SLC30A7: variants seen among roughly 807,000 people sequenced by gnomAD.
SLC30A7 encodes the protein solute carrier family 30 member 7.
In SLC30A7, 35 loss-of-function variants were observed where a neutral mutation model predicts 46.0. The observed-to-expected ratio is 0.76, with a 90% CI of 0.58 to 1.01. The LOEUF is 1.01. SLC30A7 is among the 50% of genes least tolerant of loss of function. The pLI, the probability that SLC30A7 is intolerant of heterozygous loss-of-function variation, is 0.00. For synonymous variants in SLC30A7, 147 were observed against 157.8 expected (o/e 0.93, Z 0.51); for missense variants, 464 against 451.1 (o/e 1.03, Z -0.26).
At position 100,965,932 on chromosome 1, in the gene SLC30A7, A is replaced by G. The variant is rs771193089; in HGVS notation, c.1083+14A>G. The stretch of plus-strand genomic sequence containing the variant: ...ATTTTTACTCAGGTATGTCTTTTTT[A>G]CTAACTTCTTTTAAGGGCCTTAACA... On this transcript the variant is annotated intron_variant, in intron 10 of 10. Transcript: ENST00000357650. 6.3e-7 allele frequency: 1 copy of G among 1,595,412 alleles called. No individual in the cohort carries two copies. The highest frequency in any genetic ancestry group is 8.5e-7 in the Non-Finnish European group (1 of 1,173,746).
chr1:100,930,406 G>GT (rs137883441), intron 8 of SLC30A7, among the ~76,000 whole-genome samples: 18,351 of 151,862 alleles, frequency 0.12, 1,347 homozygotes, highest in Non-Finnish European at 0.17. Flanking sequence ...AAAATAGAAT[G>GT]TATACTAATG....
intron 2 of SLC30A7, among the ~76,000 whole-genome samples, chr1:100,903,215 A>G (rs1651418507): frequency 6.6e-6 from 1 of 152,128 alleles, no homozygotes; most frequent in Admixed American, 6.5e-5. Flanking sequence ...TCATTTTATC[A>G]GAGTAGAAAG....
At chr1:100,905,648 A>G (rs1053908729) in intron 2 of SLC30A7, among the ~76,000 whole-genome samples, 5 of 151,084 alleles carry the variant, frequency 3.3e-5, no homozygotes, top group African/African-American at 1.2e-4. Flanking sequence ...ACTTCTTTTG[A>G]CCTAACTGAT....
intron 7 of SLC30A7, among the ~76,000 whole-genome samples, chr1:100,918,358 C>T (rs942039668): frequency 5.3e-5 from 8 of 152,162 alleles, no homozygotes; most frequent in Admixed American, 3.9e-4. Flanking sequence ...AAATATAGAG[C>T]TGGGTGCACT....
At chr1:100,984,652 G>A (rs781353808), downstream of SLC30A7, among the ~76,000 whole-genome samples, 1 of 152,180 alleles carries the variant, frequency 6.6e-6, no homozygotes, top group Non-Finnish European at 1.5e-5. Context: ...GAAGCTAACA[G>A]GTTGGTTGCC....
chr1:100,959,417 C>T (rs1655417415), intron 8 of SLC30A7, among the ~76,000 whole-genome samples: 1 of 152,172 alleles, frequency 6.6e-6, no homozygotes, highest in Admixed American at 6.5e-5. Context: ...AACTATGTTG[C>T]CTGGCTCAGG....
Position 100,907,112 on chromosome 1 carries a change from C to CT in SLC30A7, c.296+148dup, listed in dbSNP as rs1263802088. 19 of 555,176 alleles carry CT rather than the reference C, an allele frequency of 3.4e-5. No individual in the cohort carries two copies. The South Asian group carries it at 4.4e-4, about 13-fold the overall frequency. The allele number at this position is 555,176 out of a possible 1,614,324, so 34.4% of individuals were successfully genotyped here. A position where few individuals can be genotyped will look rare whatever the true frequency, so the allele number is the denominator to read the frequency against. ...CCCCCACTCAGGCCTCTTCGAGTTC[C>CT]TACCTCCCCAAGGGTAACCACTTTC... On this transcript the variant is annotated intron_variant, in intron 3 of 10. Transcript: ENST00000357650.
chr1:100,915,193 TTTTC>T (rs200989431), intron 6 of SLC30A7, among the ~76,000 whole-genome samples: 14,553 of 90,584 alleles, frequency 0.16, 1,197 homozygotes, highest in Non-Finnish European at 0.17. Flanking sequence ...CTTTTCTTTC[TTTTC>T]TTTCTTTCTT....
At chr1:100,934,997 G>A (rs1377618940) in intron 8 of SLC30A7, among the ~76,000 whole-genome samples, 1 of 151,924 alleles carries the variant, frequency 6.6e-6, no homozygotes, top group Non-Finnish European at 1.5e-5. Context: ...CCAAGACTCT[G>A]TCCCACAAAA....
chr1:100,942,734 A>T (rs1300430812), intron 8 of SLC30A7, among the ~76,000 whole-genome samples: 2 of 152,240 alleles, frequency 1.3e-5, no homozygotes, highest in East Asian at 3.8e-4. Flanking sequence ...TTTATGAGTT[A>T]TAACAATCTA....
At chr1:100,927,833 A>G (rs1653404625) in intron 8 of SLC30A7, among the ~76,000 whole-genome samples, 1 of 152,126 alleles carries the variant, frequency 6.6e-6, no homozygotes, top group Non-Finnish European at 1.5e-5. Context: ...TAATCCACTT[A>G]GTGGCCTAAG....
At chr1:100,953,986 G>A (rs1311995504) in intron 8 of SLC30A7, among the ~76,000 whole-genome samples, 2 of 152,132 alleles carry the variant, frequency 1.3e-5, no homozygotes, top group African/African-American at 4.8e-5. Flanking sequence ...TGAATTGGGA[G>A]GCTCTTCACT....
At chr1:100,934,842 A>T (rs1182412421) in intron 8 of SLC30A7, among the ~76,000 whole-genome samples, 1 of 152,134 alleles carries the variant, frequency 6.6e-6, no homozygotes. Context: ...CAGACATACT[A>T]TGTACCCATG....
At chr1:100,931,455 T>C (rs1033385602) in intron 8 of SLC30A7, among the ~76,000 whole-genome samples, 12 of 152,184 alleles carry the variant, frequency 7.9e-5, no homozygotes, top group South Asian at 4.1e-4. Context: ...GGTTATCTCC[T>C]GGCCAATGAA....
Position 100,958,716 on chromosome 1 carries a change from T to C in SLC30A7, c.843-3112T>C, listed in dbSNP as rs978478103. Among the ~76,000 whole-genome samples the C allele has an allele frequency of 6.6e-5, 10 of 152,370 alleles. No homozygotes were observed. The East Asian group carries it at 1.9e-3, about 29-fold the overall frequency. ...TATGAATTAATTATGTTTAACAGAT[T>C]CAGCTACAAATTCTGTTCCATAAAC... On this transcript the variant is annotated intron_variant, in intron 8 of 10. Coordinates refer to ENST00000357650, the MANE Select transcript of SLC30A7 (RefSeq NM_133496.5).
chr1:100,972,553 G>A (rs1656217665), intron 10 of SLC30A7: 1 of 151,848 alleles, frequency 6.6e-6, no homozygotes, highest in African/African-American at 2.4e-5. Context: ...CTAGGAGTAA[G>A]GAAAATGACA....
chr1:100,940,740 A>G (rs1352980873), intron 8 of SLC30A7, among the ~76,000 whole-genome samples: 3 of 152,242 alleles, frequency 2.0e-5, no homozygotes, highest in Non-Finnish European at 2.9e-5. Context: ...GCAAAAAATA[A>G]AATCTTATAT....
intron 2 of SLC30A7, among the ~76,000 whole-genome samples, chr1:100,900,488 T>G (rs999654566): frequency 4.6e-5 from 7 of 152,302 alleles, no homozygotes; most frequent in African/African-American, 1.7e-4. Context: ...TATATCTTAG[T>G]CTTTTAAAAT....
At chr1:100,990,819 A>T in the SLC30A7 span, among the ~76,000 whole-genome samples, 1 of 152,242 alleles carries the variant, frequency 6.6e-6, no homozygotes, top group African/African-American at 2.4e-5. Context: ...ATTACCTAAT[A>T]TAAAAGAGTA....
Sources: gnomAD v4.1 joint callset for allele counts (sites outside exome capture counted in the v4.1 genomes callset) on GRCh38, gnomAD v4.1.1 for gene constraint, MANE v1.5 for transcripts, NCBI Gene and HGNC (gene_info 2026-07-23, HGNC 2026-07-21) for gene names.